BTNL3: variants seen among roughly 807,000 people sequenced by gnomAD.
BTNL3 encodes the protein butyrophilin-like protein 3.
Under a neutral mutation model 40.1 loss-of-function variants are expected in BTNL3, and 20 were observed. The ratio of observed to expected loss-of-function variants is 0.50; its 90% CI spans 0.35 to 0.72. The LOEUF (loss-of-function observed/expected upper bound fraction) is 0.72, where lower values mean the gene tolerates loss of function less well. BTNL3 is among the 30% of genes least tolerant of loss of function. The probability of loss-of-function intolerance (pLI) is 0.01; values close to 1 mark genes in which losing one functional copy is unlikely to be tolerated. For synonymous variants in BTNL3, 179 were observed against 222.1 expected, an observed-to-expected ratio of 0.81 and a Z score of 1.73; for missense variants, 449 against 582.2, an observed-to-expected ratio of 0.77 and a Z score of 2.35.
At chr5:180,998,819 T>C (rs1455875828) in intron 3 of BTNL3, among the ~76,000 whole-genome samples, 1 of 137,636 alleles carries the variant, frequency 7.3e-6, no homozygotes, top group Non-Finnish European at 1.7e-5. Context: ...AGAACTAATA[T>C]AGTTTTCTGA....
chr5:181,004,298 C>T (rs1760177039), intron 5 of BTNL3, 119 bp from the exon 6 acceptor site: 2 of 625,390 alleles, frequency 3.2e-6, no homozygotes, highest in Non-Finnish European at 2.8e-6. Flanking sequence ...GTGGGAACTC[C>T]AGGATAAACT....
chr5:181,006,207 T>A lies in BTNL3; in HGVS notation c.*335T>A. On this transcript the variant is annotated 3_prime_UTR_variant, in exon 8 of 8. Coordinates refer to ENST00000342868, the MANE Select transcript of BTNL3 (RefSeq NM_197975.3). The stretch of plus-strand genomic sequence containing the variant: ...AACAAGTCACAACCTCCCAGGCTCC[T>A]CATTTGCTAGTCACGGACAGTGATT... 2.4e-6 allele frequency: 1 copy of A among 412,122 alleles called. No homozygotes were observed. Among genetic ancestry groups the A allele is most frequent in the East Asian group, 3.5e-5 (1 of 28,818 alleles). The allele number at this position is 412,122 out of a possible 1,614,324, so 25.5% of individuals were successfully genotyped here.
rs1478316710 is a variant in BTNL3, at chr5:181,005,989, G to GC, written c.*123dup. The GC allele has an allele frequency of 3.4e-6, 4 of 1,162,598 alleles. No individual in the cohort carries two copies. Among genetic ancestry groups the GC allele is most frequent in the Admixed American group, 5.8e-5 (2 of 34,622 alleles). The allele number at this position is 1,162,598 out of a possible 1,614,324, so 72.0% of individuals were successfully genotyped here. A position where few individuals can be genotyped will look rare whatever the true frequency, so the allele number is the denominator to read the frequency against. ...CCGGAGCCTGCGCACAGAGAGTCAC[G>GC]CCCCCCACTCTCCTTTAGGGAGCTG... On this transcript the variant is annotated 3_prime_UTR_variant, in exon 8 of 8. Coordinates refer to ENST00000342868, the MANE Select transcript of BTNL3 (RefSeq NM_197975.3).
chr5:180,999,621 G>A lies in BTNL3; in HGVS notation c.673+2133G>A, dbSNP rs1261526080. On this transcript the variant is annotated intron_variant, in intron 3 of 7. Coordinates refer to ENST00000342868, the MANE Select transcript of BTNL3 (RefSeq NM_197975.3). ...TTGAGACCAGCCTGCCCAACATGGC[G>A]AAACCCCATCTCTACTAAAAATACA... Among the ~76,000 whole-genome samples, 7 of 136,138 alleles carry A rather than the reference G, an allele frequency of 5.1e-5. 2 individuals carry two copies. Among genetic ancestry groups the A allele is most frequent in the South Asian group, 2.2e-4 (1 of 4,560 alleles). The allele number at this position is 136,138 out of a possible 152,430, so 89.3% of individuals were successfully genotyped here.
At chr5:181,003,750 C>G in intron 4 of BTNL3, 106 bp from the exon 5 acceptor site, 1 of 1,587,728 alleles carries the variant, frequency 6.3e-7, no homozygotes. Flanking sequence ...AGGAGAGGCC[C>G]TGCCCTTCAC....
rs1372189074 is a variant in BTNL3, at chr5:180,992,227, A to T, written c.50-586A>T. Among the ~76,000 whole-genome samples the T allele has an allele frequency of 5.1e-5, 5 of 97,178 alleles. 2 individuals carry two copies. The highest frequency in any genetic ancestry group is 1.1e-4 in the Non-Finnish European group (5 of 46,560). 63.8% of individuals were successfully genotyped at this position (97,178 alleles called of 152,430 possible). A position where few individuals can be genotyped will look rare whatever the true frequency, so the allele number is the denominator to read the frequency against. On this transcript the variant is annotated intron_variant, in intron 1 of 7. Transcript: ENST00000342868. ...CACACCATGTCCTTCAGAATATGGC[A>T]GAAGTCTACTTAAAAAAAAGAAGCA...
intron 7 of BTNL3, 133 bp downstream of exon 7, chr5:181,004,895 T>C: frequency 2.6e-6 from 4 of 1,543,428 alleles, no homozygotes; most frequent in Non-Finnish European, 2.7e-6. Flanking sequence ...TGCCTCTAAA[T>C]ACACTTCTTG....
intron 1 of BTNL3, among the ~76,000 whole-genome samples, chr5:180,992,430 G>T (rs1017259486): frequency 7.3e-6 from 1 of 136,864 alleles, no homozygotes; most frequent in South Asian, 2.2e-4. Context: ...CAAAGGGGGT[G>T]GTGTGAGTGT....
rs1404593267 is a variant in BTNL3, at chr5:181,006,261, C to T, written c.*389C>T. 7.7e-6 allele frequency: 3 copies of T among 388,202 alleles called. No homozygotes were observed. The highest frequency in any genetic ancestry group is 1.4e-5 in the Non-Finnish European group (3 of 220,030). The allele number at this position is 388,202 out of a possible 1,614,324, so 24.0% of individuals were successfully genotyped here. On this transcript the variant is annotated 3_prime_UTR_variant, in exon 8 of 8. Coordinates refer to ENST00000342868, the MANE Select transcript of BTNL3 (RefSeq NM_197975.3). ...GCCTCACAGGTGAAGATTAAAGAGA[C>T]AACGAATGTGAATCATGCTTGCAGG... is the stretch of plus-strand genomic sequence containing the variant.
Position 181,005,926 on chromosome 5 carries a change from A to G in BTNL3, c.*54A>G. On this transcript the variant is annotated 3_prime_UTR_variant, in exon 8 of 8. Transcript: ENST00000342868. ...CACACCACAGACCCAGACACAGCCAAGGGAGAGTGCTCCCGACAGGTGGCC... is the reference window on the plus strand; with the variant it reads ...CACACCACAGACCCAGACACAGCCAGGGGAGAGTGCTCCCGACAGGTGGCC... 1 of 1,506,272 alleles carries G rather than the reference A, an allele frequency of 6.6e-7. No homozygotes were observed. Among genetic ancestry groups the G allele is most frequent in the East Asian group, 2.3e-5 (1 of 43,350 alleles). The allele number at this position is 1,506,272 out of a possible 1,614,324, so 93.3% of individuals were successfully genotyped here.
intron 1 of BTNL3, among the ~76,000 whole-genome samples, chr5:180,991,947 T>C (rs1035635413): frequency 4.4e-5 from 6 of 137,724 alleles, no homozygotes; most frequent in Non-Finnish European, 8.3e-5. Flanking sequence ...AAAAATCTTA[T>C]AATGTTTTAA....
At position 180,990,810 on chromosome 5, in the gene BTNL3, G is replaced by A. The variant is rs192468123; in HGVS notation, c.49+1733G>A. On this transcript the variant is annotated intron_variant, in intron 1 of 7. Coordinates refer to ENST00000342868, the MANE Select transcript of BTNL3 (RefSeq NM_197975.3). ...GGTGCAGAGAGTGAAGCCAGCGGGA[G>A]GTAAGCCATAGAGGGTGCGCTAATG... Among the ~76,000 whole-genome samples, 138 of 136,802 alleles carry A rather than the reference G, an allele frequency of 1.0e-3. 18 individuals carry two copies. Among genetic ancestry groups the A allele is most frequent in the African/African-American group, 3.3e-3 (131 of 39,818 alleles). 89.7% of individuals were successfully genotyped at this position (136,802 alleles called of 152,430 possible). A position where few individuals can be genotyped will look rare whatever the true frequency, so the allele number is the denominator to read the frequency against.
intron 1 of BTNL3, among the ~76,000 whole-genome samples, chr5:180,989,289 C>G (rs538771013): frequency 7.3e-6 from 1 of 136,546 alleles, no homozygotes; most frequent in Non-Finnish European, 1.7e-5. Flanking sequence ...GGCTGTTTCT[C>G]AAGGACTTGG....
At position 181,003,890 on chromosome 5, in the gene BTNL3, C is replaced by T; in HGVS notation, c.808+14C>T. On this transcript the variant is annotated intron_variant, in intron 5 of 7. Coordinates refer to ENST00000342868, the MANE Select transcript of BTNL3 (RefSeq NM_197975.3). ...AGGCGGAACTGGGTATGTGTCATGT[C>T]CTGAGCCTCCCACACATGGTTCTCC... is the stretch of plus-strand genomic sequence containing the variant. The T allele has an allele frequency of 3.1e-6, 5 of 1,614,078 alleles. No individual in the cohort carries two copies. The highest frequency in any genetic ancestry group is 3.4e-6 in the Non-Finnish European group (4 of 1,180,024).
Position 181,005,563 on chromosome 5 carries a change from G to T in BTNL3, c.1092G>T (p.Arg364Ser), listed in dbSNP as rs765801959. 7.1e-5 allele frequency: 114 copies of T among 1,613,920 alleles called. No individual in the cohort carries two copies. The highest frequency in any genetic ancestry group is 8.8e-5 in the Non-Finnish European group (104 of 1,180,004). Residue 364 changes from arginine (R) to serine (S), a missense_variant, in exon 8 of 8, where the codon AGG (arginine) becomes AGT (serine). By Grantham distance (110) the Arg-to-Ser change is moderately radical. Around this residue, in one of 2 missense-constraint regions of BTNL3, gnomAD observed 323 missense variants for 464.9 expected, o/e 0.69. Transcript: ENST00000342868. ...YVGVCRDDVD[R>S]GKNNVTLSPN... ...GAGTGTGTCGGGATGACGTAGACAG[G>T]GGGAAGAACAATGTGACTTTGTCTC... is the stretch of plus-strand genomic sequence containing the variant.
At chr5:180,999,523 G>C (rs892203840) in intron 3 of BTNL3, among the ~76,000 whole-genome samples, 1 of 137,352 alleles carries the variant, frequency 7.3e-6, no homozygotes, top group South Asian at 2.2e-4. Context: ...ATACAGGACA[G>C]GCGCAGTGGC....
rs535750797 is a variant in BTNL3 at position 180,990,054 on chromosome 5, G to A, written c.49+977G>A. On this transcript the variant is annotated intron_variant, in intron 1 of 7. Coordinates refer to ENST00000342868, the MANE Select transcript of BTNL3 (RefSeq NM_197975.3). Reference sequence around the variant, plus strand: ...GAGCGCCTGTAGTCCCAGCTACTCGGGAGGCTGAGGCACGAGAATCACTTA... The same window carrying A: ...GAGCGCCTGTAGTCCCAGCTACTCGAGAGGCTGAGGCACGAGAATCACTTA... Among the ~76,000 whole-genome samples the A allele has an allele frequency of 2.9e-5, 4 of 136,472 alleles. 2 individuals are homozygous for A. In the East Asian group the frequency reaches 8.7e-4, roughly 30 times the overall value. 89.5% of individuals were successfully genotyped at this position (136,472 alleles called of 152,430 possible).
rs371607835 is a variant in BTNL3 at position 181,002,676 on chromosome 5, G to A, written c.678G>A (p.Thr226=). ...EVESKVLIGE[T]FFQPSPWRLA... is the part of the protein sequence containing the mutation. ...GTCTGTGGGACTGTTTTTCAGAGAC[G>A]TTTTTCCAGCCCTCACCTTGGCGCC... Residue 226 remains threonine, a synonymous_variant, in exon 4 of 8, where the codon ACG becomes ACA. Coordinates refer to ENST00000342868, the MANE Select transcript of BTNL3 (RefSeq NM_197975.3). 1.4e-5 allele frequency: 20 copies of A among 1,453,986 alleles called. 6 individuals are homozygous for A. The highest frequency in any genetic ancestry group is 7.4e-5 in the East Asian group (3 of 40,512). The allele number at this position is 1,453,986 out of a possible 1,614,324, so 90.1% of individuals were successfully genotyped here.
chr5:180,997,615 G>A, intron 3 of BTNL3, 127 bp downstream of exon 3: 1 of 1,288,464 alleles, frequency 7.8e-7, no homozygotes, highest in Non-Finnish European at 1.1e-6. Context: ...GAGAGTCAAA[G>A]ATTGATGAGG....
Sources: allele counts gnomAD v4.1 joint callset (sites outside exome capture counted in the v4.1 genomes callset), GRCh38; gene constraint gnomAD v4.1.1; regional missense constraint gnomAD v4.1.1; transcripts MANE v1.5; gene names NCBI Gene and HGNC (gene_info 2026-07-23, HGNC 2026-07-21).